Variants in ISM1 observed in about 807,000 individuals in gnomAD.
The protein encoded by ISM1 is isthmin-1.
Under a neutral mutation model 46.3 loss-of-function variants are expected in ISM1, and 25 were observed. That is an observed-to-expected ratio of 0.54 (90% CI 0.39 to 0.75). ISM1 has a LOEUF of 0.75. Among genes scored for constraint, ISM1 ranks in the 30% least tolerant of loss-of-function variants. ISM1 has a pLI of 0.00. For synonymous variants in ISM1, 255 were observed against 256.7 expected, an observed-to-expected ratio of 0.99 and a Z score of 0.06; for missense variants, 536 against 625.4, an observed-to-expected ratio of 0.86 and a Z score of 1.52.
At chr20:13,230,570 G>A (rs756015413) in intron 1 of ISM1, among the ~76,000 whole-genome samples, 2 of 151,940 alleles carry the variant, frequency 1.3e-5, no homozygotes, top group Non-Finnish European at 2.9e-5. Context: ...TTTATGATTT[G>A]TAAAGAAAAG....
At chr20:13,236,814 C>T (rs2039655105) in intron 1 of ISM1, among the ~76,000 whole-genome samples, 1 of 152,246 alleles carries the variant, frequency 6.6e-6, no homozygotes, top group Non-Finnish European at 1.5e-5. Context: ...CCAGGTCTCA[C>T]ATCAAGGTGA....
At chr20:13,252,919 T>A (rs56287614) in intron 1 of ISM1, among the ~76,000 whole-genome samples, 2,864 of 152,308 alleles carry the variant, frequency 0.019, 39 homozygotes, top group Non-Finnish European at 0.022. Context: ...TAGGCCCACC[T>A]GGGGTCCCCA....
chr20:13,230,247 G>A (rs1407338), intron 1 of ISM1, among the ~76,000 whole-genome samples: 34,024 of 151,896 alleles, frequency 0.22, 3,804 homozygotes, highest in South Asian at 0.29. Flanking sequence ...CCTCTGATAT[G>A]CCCATTAAAT....
In ISM1 at chr20:13,221,446, T is replaced by G. The variant is rs112047555; in HGVS notation, c.-331T>G. 7.0e-6 allele frequency among the ~76,000 whole-genome samples: 1 copy of G among 143,078 alleles called. No homozygotes were observed. The highest frequency in any genetic ancestry group is 2.3e-4 in the South Asian group (1 of 4,426). The allele number at this position is 143,078 out of a possible 152,430, so 93.9% of individuals were successfully genotyped here. ...CCGGCCCGGCCCGGGTCCCGGGCTG[T>G]CCCGGGACCCAGTCTCCGTCTCCGC... On this transcript the variant is annotated 5_prime_UTR_variant, in exon 1 of 6. Transcript: ENST00000262487.
chr20:13,270,074 C>T (rs1163962594), intron 1 of ISM1, among the ~76,000 whole-genome samples: 1 of 152,162 alleles, frequency 6.6e-6, no homozygotes, highest in African/African-American at 2.4e-5. Context: ...CCAGCTTGGT[C>T]AGATCTTTTG....
chr20:13,326,186 G>A, the ISM1 span, among the ~76,000 whole-genome samples: 21 of 152,184 alleles, frequency 1.4e-4, no homozygotes, highest in African/African-American at 4.6e-4. Flanking sequence ...ATGTATGGAT[G>A]CACCAGAGCT....
At chr20:13,326,094 G>A in the ISM1 span, among the ~76,000 whole-genome samples, 7 of 152,174 alleles carry the variant, frequency 4.6e-5, no homozygotes, top group East Asian at 7.7e-4. Context: ...GGTTTCTTTC[G>A]CTCAGCATAA....
intron 1 of ISM1, among the ~76,000 whole-genome samples, chr20:13,227,406 T>C (rs1256940808): frequency 6.6e-6 from 1 of 151,780 alleles, no homozygotes; most frequent in African/African-American, 2.4e-5. Flanking sequence ...GGTTTCACCG[T>C]GTTAGCTAGG....
At chr20:13,245,785 A>G (rs773994455) in intron 1 of ISM1, among the ~76,000 whole-genome samples, 4 of 152,112 alleles carry the variant, frequency 2.6e-5, no homozygotes, top group Non-Finnish European at 2.9e-5. Flanking sequence ...CAAACTTCCA[A>G]TCATTCCCCT....
Position 13,299,558 on chromosome 20 carries a change from C to A in ISM1, c.*99C>A. ...GCGCCGAGACCTTCATAGCTGCGGTCGTGTATATTTGTATATACCACATGA... is the reference window on the plus strand; with the variant it reads ...GCGCCGAGACCTTCATAGCTGCGGTAGTGTATATTTGTATATACCACATGA... On this transcript the variant is annotated 3_prime_UTR_variant, in exon 6 of 6. Transcript: ENST00000262487. This position sits in a 1 kb window ranked among gnomAD's most constrained non-coding sequence, Gnocchi z 5.8. The A allele has an allele frequency of 8.9e-7, 1 of 1,121,982 alleles. No individual in the cohort carries two copies. Among genetic ancestry groups the A allele is most frequent in the East Asian group, 2.4e-5 (1 of 42,200 alleles). 69.5% of individuals were successfully genotyped at this position (1,121,982 alleles called of 1,614,324 possible).
intron 5 of ISM1, among the ~76,000 whole-genome samples, chr20:13,296,942 C>T (rs1039307451): frequency 5.3e-5 from 8 of 152,040 alleles, no homozygotes; most frequent in Admixed American, 1.3e-4. Flanking sequence ...TGCTTGAACC[C>T]GGGCAGCAGA....
In ISM1 at chr20:13,270,761, G is replaced by A. The variant is rs1305437056; in HGVS notation, c.378+18G>A. ...ATATCCAGGTAATTCTTGGCACCTG[G>A]AAGATGGGAGATAACAAAACAGTCC... On this transcript the variant is annotated intron_variant, in intron 2 of 5. Coordinates refer to ENST00000262487, the MANE Select transcript of ISM1 (RefSeq NM_080826.2). 1 of 1,608,734 alleles carries A rather than the reference G, an allele frequency of 6.2e-7. No individual in the cohort carries two copies. Among genetic ancestry groups the A allele is most frequent in the South Asian group, 1.1e-5 (1 of 90,140 alleles).
intron 1 of ISM1, among the ~76,000 whole-genome samples, chr20:13,222,924 A>G (rs2039468169): frequency 1.3e-5 from 2 of 152,214 alleles, no homozygotes; most frequent in African/African-American, 4.8e-5. Context: ...GCACTTTAGC[A>G]GGCAGAGGCG....
intron 3 of ISM1, among the ~76,000 whole-genome samples, chr20:13,280,550 C>A (rs1417885358): frequency 6.6e-6 from 1 of 152,194 alleles, no homozygotes; most frequent in Admixed American, 6.5e-5. Flanking sequence ...CAGCTCCACT[C>A]AGTCATTCAG....
At chr20:13,246,469 T>A (rs2039795884) in intron 1 of ISM1, among the ~76,000 whole-genome samples, 1 of 152,164 alleles carries the variant, frequency 6.6e-6, no homozygotes, top group Non-Finnish European at 1.5e-5. Context: ...AACTGTAGCT[T>A]ACTCCTCTGT....
intron 1 of ISM1, among the ~76,000 whole-genome samples, chr20:13,241,417 T>A (rs972467533): frequency 6.6e-6 from 1 of 152,056 alleles, no homozygotes; most frequent in Non-Finnish European, 1.5e-5. Flanking sequence ...AAGGGAGAGA[T>A]TGATGATGCA....
intron 1 of ISM1, among the ~76,000 whole-genome samples, chr20:13,235,610 A>C (rs6109769): frequency 4.6e-5 from 7 of 152,086 alleles, no homozygotes; most frequent in Admixed American, 4.6e-4. Context: ...ATGTCATCCT[A>C]TGGGTTGCTC....
At chr20:13,287,570 C>T (rs2040307688) in intron 3 of ISM1, among the ~76,000 whole-genome samples, 3 of 152,198 alleles carry the variant, frequency 2.0e-5, no homozygotes, top group Middle Eastern at 3.2e-3. Context: ...CAATTTCTAA[C>T]ATGCCATCTA....
chr20:13,279,925 AT>A (rs2040220201), intron 3 of ISM1, 27 bp downstream of exon 3: 1 of 1,602,114 alleles, frequency 6.2e-7, no homozygotes, highest in Non-Finnish European at 8.5e-7. Context: ...GTAATATAAA[AT>A]TGGTGGGAAG....
Sources: gnomAD v4.1 joint callset for allele counts (sites outside exome capture counted in the v4.1 genomes callset) on GRCh38, gnomAD v4.1.1 for gene constraint, Gnocchi (gnomAD v3.1) non-coding constraint, MANE v1.5 for transcripts, NCBI Gene and HGNC (gene_info 2026-07-23, HGNC 2026-07-21) for gene names.